CADM1: variants seen among roughly 807,000 people sequenced by gnomAD.
The protein encoded by CADM1 is cell adhesion molecule 1.
A neutral mutation model predicts 53.1 loss-of-function variants in CADM1; 15 were observed. The ratio of observed to expected loss-of-function variants is 0.28; its 90% CI spans 0.19 to 0.44. The LOEUF (loss-of-function observed/expected upper bound fraction) is 0.44, where lower values mean the gene tolerates loss of function less well. Ranked by LOEUF, CADM1 falls within the 20% of genes least tolerant of loss-of-function variation. The pLI is 1.00. For synonymous variants in CADM1, 281 were observed against 243.0 expected (o/e 1.16, Z -1.45); for missense variants, 434 against 611.3 (o/e 0.71, Z 3.06).
chr11:115,400,606 AAT>A (rs1555079422), intron 1 of CADM1, among the ~76,000 whole-genome samples: 9 of 137,218 alleles, frequency 6.6e-5, no homozygotes, highest in South Asian at 2.2e-4. Context: ...TCATATATAT[AAT>A]ATATATCTTT....
intron 1 of CADM1, among the ~76,000 whole-genome samples, chr11:115,439,867 A>C (rs1948270013): frequency 6.6e-6 from 1 of 152,220 alleles, no homozygotes; most frequent in Non-Finnish European, 1.5e-5. Context: ...GAATTTCTAA[A>C]GTAAATCAGA....
At chr11:115,503,782 G>A (rs932055190) in intron 1 of CADM1, among the ~76,000 whole-genome samples, 8 of 151,988 alleles carry the variant, frequency 5.3e-5, no homozygotes, top group Non-Finnish European at 7.4e-5. Context: ...AAATCACGCC[G>A]CGGGCGGCTG....
chr11:115,313,489 T>C (rs143474326), intron 1 of CADM1, among the ~76,000 whole-genome samples: 559 of 152,266 alleles, frequency 3.7e-3, no homozygotes, highest in African/African-American at 0.013. Flanking sequence ...GAAATTATCA[T>C]AGATAGTACT....
chr11:115,491,200 T>TA (rs1301591227), intron 1 of CADM1, among the ~76,000 whole-genome samples: 1 of 152,122 alleles, frequency 6.6e-6, no homozygotes, highest in Non-Finnish European at 1.5e-5. Flanking sequence ...GCATGGTTAT[T>TA]AAATATCAGA....
At chr11:115,365,424 T>C (rs1386402112) in intron 1 of CADM1, among the ~76,000 whole-genome samples, 1 of 152,146 alleles carries the variant, frequency 6.6e-6, no homozygotes, top group Non-Finnish European at 1.5e-5. Context: ...TATCTTTAAA[T>C]TACCATGCCA....
At chr11:115,181,266 GATTA>G (rs1204502623) in intron 10 of CADM1, among the ~76,000 whole-genome samples, 1 of 152,144 alleles carries the variant, frequency 6.6e-6, no homozygotes, top group African/African-American at 2.4e-5. Context: ...GTATCTGTGA[GATTA>G]ATTTCTTGAG....
chr11:115,420,503 G>A (rs1243363116), intron 1 of CADM1, among the ~76,000 whole-genome samples: 1 of 152,138 alleles, frequency 6.6e-6, no homozygotes, highest in Non-Finnish European at 1.5e-5. Flanking sequence ...CCATCCTGCT[G>A]TTTCCACCCT....
chr11:115,327,046 G>C (rs975323178), intron 1 of CADM1, among the ~76,000 whole-genome samples: 6 of 152,098 alleles, frequency 3.9e-5, no homozygotes, highest in African/African-American at 1.4e-4. Context: ...CAGGCACTGA[G>C]CTAAACATTT....
chr11:115,362,020 G>A (rs566824300), intron 1 of CADM1, among the ~76,000 whole-genome samples: 18 of 152,106 alleles, frequency 1.2e-4, no homozygotes, highest in Non-Finnish European at 1.9e-4. Context: ...GATTACAGGC[G>A]AGAGCCACAG....
intron 1 of CADM1, among the ~76,000 whole-genome samples, chr11:115,314,557 T>C (rs1275837711): frequency 1.3e-5 from 2 of 152,162 alleles, no homozygotes; most frequent in Non-Finnish European, 2.9e-5. Context: ...TATGACTATG[T>C]AGAAAGTGCT....
chr11:115,431,420 G>A (rs1486421277), intron 1 of CADM1, among the ~76,000 whole-genome samples: 1 of 152,028 alleles, frequency 6.6e-6, no homozygotes, highest in Non-Finnish European at 1.5e-5. Context: ...CTCTTGTCCA[G>A]ACAGTAGTTC....
At chr11:115,455,179 C>G (rs1464791964) in intron 1 of CADM1, among the ~76,000 whole-genome samples, 6 of 152,122 alleles carry the variant, frequency 3.9e-5, no homozygotes, top group Non-Finnish European at 8.8e-5. Context: ...ATCTCATCAG[C>G]TACTAGCTTG....
chr11:115,236,955 A>G (rs1942030819), intron 3 of CADM1, among the ~76,000 whole-genome samples: 1 of 152,158 alleles, frequency 6.6e-6, no homozygotes, highest in African/African-American at 2.4e-5. Flanking sequence ...AAATACGTAA[A>G]GGTATATGTA....
At chr11:115,338,877 A>ATTTTTTTTTTTTTTTAT (rs56300408) in intron 1 of CADM1, among the ~76,000 whole-genome samples, 10 of 127,668 alleles carry the variant, frequency 7.8e-5, no homozygotes, top group East Asian at 2.2e-4. Context: ...TATTTTTTTT[A>ATTTTTTTTTTTTTTTAT]TTTTTTTTTT....
chr11:115,389,478 T>C (rs1946780119), intron 1 of CADM1, among the ~76,000 whole-genome samples: 2 of 152,170 alleles, frequency 1.3e-5, no homozygotes. Flanking sequence ...AACTTGAAAA[T>C]ACCACATGTA....
intron 10 of CADM1, chr11:115,190,596 A>T (rs1939799979): frequency 2.8e-6 from 1 of 363,358 alleles, no homozygotes; most frequent in Non-Finnish European, 5.0e-6. Context: ...TATCTAGGAC[A>T]TAAACATTAT....
chr11:115,278,588 G>A (rs987593154), intron 1 of CADM1, among the ~76,000 whole-genome samples: 2 of 152,182 alleles, frequency 1.3e-5, no homozygotes, highest in African/African-American at 2.4e-5. Flanking sequence ...GTTAGAAGTC[G>A]ATGAGTATAG....
chr11:115,450,921 C>T (rs1948557690), intron 1 of CADM1, among the ~76,000 whole-genome samples: 1 of 152,208 alleles, frequency 6.6e-6, no homozygotes, highest in Non-Finnish European at 1.5e-5. Context: ...GTATCCAGAG[C>T]TCACCATCAG....
chr11:115,479,388 A>G (rs1350360434), intron 1 of CADM1, among the ~76,000 whole-genome samples: 6 of 152,138 alleles, frequency 3.9e-5, no homozygotes, highest in African/African-American at 1.4e-4. Context: ...AAATAGATTC[A>G]CTGTAATCAC....
Sources: allele counts gnomAD v4.1 joint callset (sites outside exome capture counted in the v4.1 genomes callset), GRCh38; gene constraint gnomAD v4.1.1; transcripts MANE v1.5; gene names NCBI Gene and HGNC (gene_info 2026-07-23, HGNC 2026-07-21).